Variants in SP100 observed in about 807,000 individuals in gnomAD.
The protein encoded by SP100 is SP100 nuclear body protein, also known as nuclear autoantigen Sp-100.
Under a neutral mutation model 130.0 loss-of-function variants are expected in SP100, and 84 were observed. That is an observed-to-expected ratio of 0.65 (90% confidence interval 0.54 to 0.77). The LOEUF is 0.77. Among genes scored for constraint, SP100 ranks in the 30% least tolerant of loss-of-function variants. SP100 has a pLI of 0.00. For synonymous variants in SP100, 331 were observed against 351.7 expected (o/e 0.94, Z 0.66); for missense variants, 978 against 1,052.2 (o/e 0.93, Z 0.97).
intron 24 of SP100, among the ~76,000 whole-genome samples, chr2:230,522,357 G>A (rs1691211014): frequency 6.6e-6 from 1 of 151,692 alleles, no homozygotes; most frequent in Admixed American, 6.6e-5. Flanking sequence ...GGAGTTTGTT[G>A]TTAAATGAGA....
intron 2 of SP100, among the ~76,000 whole-genome samples, chr2:230,437,034 T>C (rs1271505808): frequency 6.7e-6 from 1 of 149,108 alleles, no homozygotes; most frequent in Admixed American, 6.6e-5. Flanking sequence ...AAGACCGTGG[T>C]AATGGTAGAC....
chr2:230,539,031 C>A, intron 24 of SP100: 1 of 351,898 alleles, frequency 2.8e-6, no homozygotes, highest in Non-Finnish European at 5.4e-6. Flanking sequence ...ATTTTTGTCA[C>A]TAGTCATCAT....
Position 230,508,940 on chromosome 2 carries a change from C to T in SP100, c.2052+909C>T, listed in dbSNP as rs866132841. 2.4e-3 allele frequency: 317 copies of T among 132,594 alleles called. 1 individual carries two copies. Among genetic ancestry groups the T allele is most frequent in the Non-Finnish European group, 4.0e-3 (256 of 64,404 alleles). 8.2% of individuals were successfully genotyped at this position (132,594 alleles called of 1,614,324 possible). A position where few individuals can be genotyped will look rare whatever the true frequency, so the allele number is the denominator to read the frequency against. Reference sequence around the variant, plus strand: ...CACCACACACACACACACACACACACACACACATACACACACACACACACA... The same window carrying T: ...CACCACACACACACACACACACACATACACACATACACACACACACACACA... On this transcript the variant is annotated intron_variant, in intron 23 of 28. Coordinates refer to ENST00000340126, the MANE Select transcript of SP100 (RefSeq NM_001080391.2).
chr2:230,542,195 G>A (rs770848496), intron 28 of SP100, among the ~76,000 whole-genome samples, 160 bp downstream of exon 28: 1 of 152,148 alleles, frequency 6.6e-6, no homozygotes, highest in Non-Finnish European at 1.5e-5. Flanking sequence ...GCCCTGTAGT[G>A]CATGTGGAGA....
chr2:230,518,298 A>G (rs1188386308), intron 24 of SP100, among the ~76,000 whole-genome samples: 3 of 152,000 alleles, frequency 2.0e-5, no homozygotes, highest in African/African-American at 2.4e-5. Flanking sequence ...ACATATTTTT[A>G]TGCCTTCTTA....
rs1692256252 is a variant in SP100, at chr2:230,544,120, T to A, written c.*1174T>A. 6.6e-6 allele frequency: 1 copy of A among 152,190 alleles called. No individual in the cohort carries two copies. Among genetic ancestry groups the A allele is most frequent in the Admixed American group, 6.6e-5 (1 of 15,264 alleles). 9.4% of individuals were successfully genotyped at this position (152,190 alleles called of 1,614,324 possible). A position where few individuals can be genotyped will look rare whatever the true frequency, so the allele number is the denominator to read the frequency against. On this transcript the variant is annotated 3_prime_UTR_variant, in exon 29 of 29. Transcript: ENST00000340126. ...GAAGATTGAAGCTAGACCTCTTCCTTACACCATATACAAAAATCAACTCAA... is the reference window on the plus strand; with the variant it reads ...GAAGATTGAAGCTAGACCTCTTCCTAACACCATATACAAAAATCAACTCAA...
intron 8 of SP100, among the ~76,000 whole-genome samples, chr2:230,458,013 T>C (rs969467116): frequency 6.6e-6 from 1 of 152,160 alleles, no homozygotes; most frequent in Non-Finnish European, 1.5e-5. Flanking sequence ...AGAGGGACTG[T>C]CCCTGGTTAG....
intron 13 of SP100, among the ~76,000 whole-genome samples, chr2:230,468,388 A>G (rs1445220718): frequency 6.6e-6 from 1 of 152,266 alleles, no homozygotes; most frequent in Non-Finnish European, 1.5e-5. Context: ...ATGTTTATAC[A>G]GCAAATTATA....
intron 17 of SP100, among the ~76,000 whole-genome samples, chr2:230,480,550 T>G (rs571396688): frequency 3.0e-4 from 45 of 152,342 alleles, no homozygotes; most frequent in African/African-American, 1.1e-3. Flanking sequence ...AGTAGGCAGC[T>G]GGGCTTCTCC....
chr2:230,514,262 A>G (rs1366651030), intron 24 of SP100, among the ~76,000 whole-genome samples: 2 of 152,262 alleles, frequency 1.3e-5, no homozygotes, highest in African/African-American at 4.8e-5. Context: ...CTTGGAAGAA[A>G]TAAAACAATG....
chr2:230,525,363 C>T (rs535205274), intron 24 of SP100, among the ~76,000 whole-genome samples: 1 of 152,204 alleles, frequency 6.6e-6, no homozygotes, highest in South Asian at 2.1e-4. Context: ...GACTAATTAA[C>T]ATTGCTCATA....
At position 230,517,080 on chromosome 2, in the gene SP100, A is replaced by G. The variant is rs568233266; in HGVS notation, c.2094+5914A>G. Reference sequence around the variant, plus strand: ...AAGTGTAACTGAAGGAAGATCTAGTATTATGTATCATTTGACAGTTTCTCC... The same window carrying G: ...AAGTGTAACTGAAGGAAGATCTAGTGTTATGTATCATTTGACAGTTTCTCC... On this transcript the variant is annotated intron_variant, in intron 24 of 28. Transcript: ENST00000340126. 2.0e-5 allele frequency among the ~76,000 whole-genome samples: 3 copies of G among 152,318 alleles called. No individual in the cohort carries two copies. The East Asian group carries it at 5.8e-4, about 29-fold the overall frequency.
intron 15 of SP100, among the ~76,000 whole-genome samples, chr2:230,472,027 C>T (rs2065285468): frequency 6.6e-6 from 1 of 151,980 alleles, no homozygotes; most frequent in African/African-American, 2.4e-5. Context: ...TGGTCAGTGT[C>T]CTAACAGCAG....
chr2:230,535,870 C>G (rs1678173), intron 24 of SP100, among the ~76,000 whole-genome samples: 116,064 of 142,920 alleles, frequency 0.81, 47,629 homozygotes, highest in Middle Eastern at 0.92. Flanking sequence ...TCATGCCACT[C>G]CACTCCAGCC....
At chr2:230,516,097 A>T (rs970838016) in intron 24 of SP100, 2 of 988,330 alleles carry the variant, frequency 2.0e-6, no homozygotes, top group Non-Finnish European at 2.4e-6. Context: ...AAAAAACCGT[A>T]TGAGGGAACT....
chr2:230,455,526 T>G (rs1009803838), intron 8 of SP100, among the ~76,000 whole-genome samples: 1 of 152,224 alleles, frequency 6.6e-6, no homozygotes, highest in African/African-American at 2.4e-5. Context: ...GTGAAGTGAG[T>G]GTCTTGCAAG....
At chr2:230,512,276 C>CTTTTTTTTTTTTTTTTTTTTTTTTTT (rs34753799) in intron 24 of SP100, among the ~76,000 whole-genome samples, 1 of 76,068 alleles carries the variant, frequency 1.3e-5, no homozygotes, top group Non-Finnish European at 2.4e-5. Context: ...ATTGAAATGC[C>CTTTTTTTTTTTTTTTTTTTTTTTTTT]TTTTTTTTTT....
rs1438230134 is a variant in SP100, at chr2:230,453,186, AG to A, written c.820+2937del. 3.9e-5 allele frequency among the ~76,000 whole-genome samples: 6 copies of A among 152,168 alleles called. No individual in the cohort carries two copies. In the East Asian group the frequency reaches 1.2e-3, roughly 29 times the overall value. ...AGCAGCAAGGAGAAGTACAGTGCAA[AG>A]GGGGGACAAGTTCCTTATAAAACCA... On this transcript the variant is annotated intron_variant, in intron 8 of 28. Coordinates refer to ENST00000340126, the MANE Select transcript of SP100 (RefSeq NM_001080391.2).
intron 5 of SP100, among the ~76,000 whole-genome samples, chr2:230,448,719 G>C (rs1015737993): frequency 1.8e-4 from 27 of 152,188 alleles, no homozygotes; most frequent in African/African-American, 5.1e-4. Context: ...TGTGTGAAAG[G>C]GGGTGGGCAT....
Sources: gnomAD v4.1 joint callset for allele counts (sites outside exome capture counted in the v4.1 genomes callset) on GRCh38, gnomAD v4.1.1 for gene constraint, MANE v1.5 for transcripts, NCBI Gene and HGNC (gene_info 2026-07-23, HGNC 2026-07-21) for gene names.